MTMR10: variants seen among roughly 807,000 people sequenced by gnomAD.
The protein encoded by MTMR10 is myotubularin-related protein 10.
MTMR10 carries 56 observed loss-of-function variants against 88.1 expected under a neutral mutation model. The ratio of observed to expected loss-of-function variants is 0.64; its 90% CI spans 0.51 to 0.79. The LOEUF is 0.79. MTMR10 is among the 30% of genes least tolerant of loss of function. MTMR10 has a pLI of 0.00. For synonymous variants in MTMR10, 380 were observed against 340.9 expected, an observed-to-expected ratio of 1.11 and a Z score of -1.26; for missense variants, 883 against 924.7, an observed-to-expected ratio of 0.95 and a Z score of 0.58.
At chr15:30,956,001 G>GTT (rs36077293) in intron 9 of MTMR10, among the ~76,000 whole-genome samples, 24 of 146,244 alleles carry the variant, frequency 1.6e-4, no homozygotes, top group Admixed American at 6.1e-4. Context: ...CCCTGCTGTT[G>GTT]TTTTTTTTTT....
chr15:30,946,321 G>C (rs1051322960), intron 14 of MTMR10: 1 of 168,676 alleles, frequency 5.9e-6, no homozygotes, highest in Non-Finnish European at 1.3e-5. Flanking sequence ...CATACAATGA[G>C]ACTAAAGGCA....
At position 30,947,047 on chromosome 15, in the gene MTMR10, T is replaced by C. The variant is rs929632136; in HGVS notation, c.1548+83A>G. ...GAATTTTAAATCATAAGATTTTAAA[T>C]AGGCAGTGAATTATACTTCAATTAT... On this transcript the variant is annotated intron_variant, in intron 14 of 15. Transcript: ENST00000435680. 15 of 1,434,868 alleles carry C rather than the reference T, an allele frequency of 1.0e-5. 2 individuals are homozygous for C. In the South Asian group the frequency reaches 1.2e-4, roughly 11 times the overall value. 88.9% of individuals were successfully genotyped at this position (1,434,868 alleles called of 1,614,324 possible). A position where few individuals can be genotyped will look rare whatever the true frequency, so the allele number is the denominator to read the frequency against.
the MTMR10 span, among the ~76,000 whole-genome samples, chr15:30,921,178 G>A: frequency 6.6e-6 from 1 of 152,196 alleles, no homozygotes; most frequent in Non-Finnish European, 1.5e-5. Flanking sequence ...AAGATGGACA[G>A]CTGTTCTGTT....
At chr15:30,967,235 CTTTG>C (rs1156518094) in intron 6 of MTMR10, among the ~76,000 whole-genome samples, 1 of 152,240 alleles carries the variant, frequency 6.6e-6, no homozygotes, top group South Asian at 2.1e-4. Context: ...AGACACGGCT[CTTTG>C]TTTTTCTCTA....
rs149746802 is a variant in MTMR10 at position 30,956,851 on chromosome 15, G to A, written c.936-1958C>T. Among the ~76,000 whole-genome samples, 87 of 152,256 alleles carry A rather than the reference G, an allele frequency of 5.7e-4. 1 individual carries two copies. Among genetic ancestry groups the A allele is most frequent in the Middle Eastern group, 6.8e-3 (2 of 294 alleles). On this transcript the variant is annotated intron_variant, in intron 9 of 15. Coordinates refer to ENST00000435680, the MANE Select transcript of MTMR10 (RefSeq NM_017762.3). ...CTTTAACAGCAAAATTCCTAACTGTGCACTTCATCAGCATGTATGCTAATG... is the reference window on the plus strand; with the variant it reads ...CTTTAACAGCAAAATTCCTAACTGTACACTTCATCAGCATGTATGCTAATG...
At position 30,978,381 on chromosome 15, in the gene MTMR10, T is replaced by C. The variant is rs201716478; in HGVS notation, c.122-1426A>G. On this transcript the variant is annotated intron_variant, in intron 2 of 15. Transcript: ENST00000435680. ...ACAGGGTAGGTGCCTGTGAAAAGAG[T>C]GCTGAATGCAAGAATGAATAAAATC... is the stretch of plus-strand genomic sequence containing the variant. Among the ~76,000 whole-genome samples, 38 of 152,152 alleles carry C rather than the reference T, an allele frequency of 2.5e-4. No individual in the cohort carries two copies. The East Asian group carries it at 7.2e-3, about 29-fold the overall frequency.
At position 30,954,836 on chromosome 15, in the gene MTMR10, A is replaced by G. The variant is rs2063299545; in HGVS notation, c.993T>C (p.Asp331=). 2.5e-6 allele frequency: 4 copies of G among 1,587,466 alleles called. No homozygotes were observed. Among genetic ancestry groups the G allele is most frequent in the Non-Finnish European group, 3.4e-6 (4 of 1,165,200 alleles). ...GAATATTAGGCAAGGTCTTATCCAA[A>G]TCTGATTTGTAAACATCACTTCTCT... is the stretch of plus-strand genomic sequence containing the variant. ...HPQRSDVYKS[D]LDKTLPNIQE... Residue 331 remains aspartate, a synonymous_variant, in exon 10 of 16, where the codon GAT becomes GAC. Coordinates refer to ENST00000435680, the MANE Select transcript of MTMR10 (RefSeq NM_017762.3).
intron 12 of MTMR10, chr15:30,950,229 T>C (rs1031827052): frequency 3.3e-5 from 5 of 150,842 alleles, no homozygotes; most frequent in African/African-American, 1.2e-4. Flanking sequence ...TATTAGGCTC[T>C]GCATGCATTT....
rs975890918 is a variant in MTMR10, at chr15:30,940,746, A to G, written c.*724T>C. On this transcript the variant is annotated 3_prime_UTR_variant, in exon 16 of 16. Coordinates refer to ENST00000435680, the MANE Select transcript of MTMR10 (RefSeq NM_017762.3). ...ATGAAAAGCCTATTTCAAATATGCA[A>G]TGGGATTTTCCCACCCCAATTTTAA... The G allele has an allele frequency of 6.1e-6, 6 of 989,986 alleles. No homozygotes were observed. The highest frequency in any genetic ancestry group is 1.7e-5 in the African/African-American group (1 of 57,266). The allele number at this position is 989,986 out of a possible 1,614,324, so 61.3% of individuals were successfully genotyped here.
the MTMR10 span, chr15:30,920,481 G>T: frequency 3.9e-6 from 4 of 1,022,170 alleles, no homozygotes; most frequent in African/African-American, 4.8e-5. Context: ...TTTGTCACTT[G>T]TTATTATTGT....
Position 30,959,033 on chromosome 15 carries a change from C to CT in MTMR10, c.846dup (p.Leu283ThrfsTer8). ...CATAAAATCCAACAGAAATCACTTA[C>CT]TGGCATCCTTCTCCCAACAAAAGAA... On this transcript the variant is annotated frameshift_variant and splice_region_variant. Coordinates refer to ENST00000435680, the MANE Select transcript of MTMR10 (RefSeq NM_017762.3). LOFTEE classifies it high-confidence loss of function. The CT allele has an allele frequency of 6.2e-7, 1 of 1,613,742 alleles. No homozygotes were observed.
chr15:30,972,129 T>C (rs988839538), intron 5 of MTMR10, among the ~76,000 whole-genome samples: 3 of 152,094 alleles, frequency 2.0e-5, no homozygotes, highest in African/African-American at 4.8e-5. Context: ...ACTGATAAAA[T>C]AGCAAAGCAT....
At position 30,975,002 on chromosome 15, in the gene MTMR10, T is replaced by G. The variant is rs745629775; in HGVS notation, c.260A>C (p.Lys87Thr). Residue 87 changes from lysine to threonine, a missense_variant and splice_region_variant, in exon 4 of 16, where the codon AAA (lysine) becomes ACA (threonine). Transcript: ENST00000435680. ...AAGAAGAAGGTTTCTGTAATGGAAT[T>G]TCTGGAATAAAAAATTATGTTCATA... ...FITDDPMPLQ[K>T]FHYRNLLLGE... 8.4e-6 allele frequency: 13 copies of G among 1,555,012 alleles called. No individual in the cohort carries two copies. Among genetic ancestry groups the G allele is most frequent in the Non-Finnish European group, 1.1e-5 (13 of 1,145,556 alleles).
intron 2 of MTMR10, among the ~76,000 whole-genome samples, chr15:30,978,989 T>C (rs913689460): frequency 6.6e-5 from 10 of 152,128 alleles, no homozygotes; most frequent in African/African-American, 1.9e-4. Context: ...CCAATTCCCA[T>C]ATCAGATTCT....
At chr15:30,920,023 AT>A in the MTMR10 span, among the ~76,000 whole-genome samples, 6 of 152,208 alleles carry the variant, frequency 3.9e-5, no homozygotes, top group Admixed American at 1.3e-4. Context: ...CACATAGTGA[AT>A]ATTTTAGGCT....
downstream of MTMR10, among the ~76,000 whole-genome samples, chr15:30,935,179 G>C (rs944782729): frequency 2.6e-5 from 4 of 151,944 alleles, no homozygotes; most frequent in Admixed American, 2.6e-4. Flanking sequence ...GTGGTGGTGT[G>C]CACTTGTAGT....
the MTMR10 span, among the ~76,000 whole-genome samples, chr15:30,924,052 A>G: frequency 6.6e-6 from 1 of 152,134 alleles, no homozygotes; most frequent in Non-Finnish European, 1.5e-5. Flanking sequence ...GTGTCTGTAA[A>G]TGTGCCTGTT....
At chr15:30,935,906 AT>A (rs773971728), downstream of MTMR10, among the ~76,000 whole-genome samples, 1 of 151,864 alleles carries the variant, frequency 6.6e-6, no homozygotes, top group Non-Finnish European at 1.5e-5. Context: ...CAGTTGTGAT[AT>A]TTCCTAGGGT....
At position 30,991,610 on chromosome 15, in the gene MTMR10, C is replaced by T; in HGVS notation, c.-104G>A. The T allele has an allele frequency of 1.5e-6, 2 of 1,372,898 alleles. No homozygotes were observed. Among genetic ancestry groups the T allele is most frequent in the Non-Finnish European group, 1.9e-6 (2 of 1,042,752 alleles). The allele number at this position is 1,372,898 out of a possible 1,614,324, so 85.0% of individuals were successfully genotyped here. On this transcript the variant is annotated 5_prime_UTR_variant, in exon 1 of 16. Coordinates refer to ENST00000435680, the MANE Select transcript of MTMR10 (RefSeq NM_017762.3). ...CGGCCGCCCAGGCCCTTTCTGCGGC[C>T]AGCCGAGCCGGGCGGACTGACGGGC...
Sources: allele counts gnomAD v4.1 joint callset (sites outside exome capture counted in the v4.1 genomes callset), GRCh38; gene constraint gnomAD v4.1.1; transcripts MANE v1.5; gene names NCBI Gene and HGNC (gene_info 2026-07-23, HGNC 2026-07-21).